The following THSD4 variants were observed in gnomAD, a reference collection of about 807,000 sequenced individuals.
THSD4 encodes thrombospondin type-1 domain-containing protein 4.
In THSD4, 69 loss-of-function variants were observed where a neutral mutation model predicts 119.0. The ratio of observed to expected loss-of-function variants is 0.58; its 90% CI spans 0.48 to 0.71. The LOEUF (loss-of-function observed/expected upper bound fraction) is 0.71. Among genes scored for constraint, THSD4 ranks in the 30% least tolerant of loss-of-function variants. The pLI, the probability that THSD4 is intolerant of heterozygous loss-of-function variation, is 0.00. For missense variants in THSD4, 1,393 were observed against 1,391.1 expected (o/e 1.00, Z -0.02); for synonymous variants, 524 against 540.4 (o/e 0.97, Z 0.42).
chr15:71,489,303 A>G lies in THSD4; in HGVS notation c.1152+77480A>G, dbSNP rs920132224. On this transcript the variant is annotated intron_variant, in intron 7 of 17. Transcript: ENST00000261862. Reference sequence around the variant, plus strand: ...GTGGTGGGTGTAAAATATATCATGCATTACCATTTCTTTGCTCATTTTAAG... The same window carrying G: ...GTGGTGGGTGTAAAATATATCATGCGTTACCATTTCTTTGCTCATTTTAAG... 7.9e-5 allele frequency among the ~76,000 whole-genome samples: 12 copies of G among 152,254 alleles called. No individual in the cohort carries two copies. The South Asian group carries it at 1.2e-3, about 16-fold the overall frequency.
At chr15:71,763,819 C>A (rs2141206579) in intron 15 of THSD4, among the ~76,000 whole-genome samples, 1 of 152,254 alleles carries the variant, frequency 6.6e-6, no homozygotes, top group South Asian at 2.1e-4. Context: ...AATCCCAGCA[C>A]TTTGAGAGGC....
intron 7 of THSD4, among the ~76,000 whole-genome samples, chr15:71,595,780 C>G (rs1468291421): frequency 1.2e-4 from 19 of 152,172 alleles, no homozygotes. Flanking sequence ...GTTCAACGCC[C>G]TCCATTTAAA....
chr15:71,172,407 C>G (rs994275140), intron 3 of THSD4, among the ~76,000 whole-genome samples: 1 of 151,664 alleles, frequency 6.6e-6, no homozygotes, highest in Non-Finnish European at 1.5e-5. Flanking sequence ...TTAAGATAAC[C>G]ATTCTCTTCA....
At chr15:71,142,067 C>A (rs2040610031) in intron 2 of THSD4, among the ~76,000 whole-genome samples, 1 of 151,910 alleles carries the variant, frequency 6.6e-6, no homozygotes, top group Admixed American at 6.6e-5. Flanking sequence ...ACCGTGGTTG[C>A]ATAATACAAT....
At chr15:71,473,580 T>C (rs577487658) in intron 7 of THSD4, among the ~76,000 whole-genome samples, 174 of 152,276 alleles carry the variant, frequency 1.1e-3, no homozygotes, top group Middle Eastern at 6.8e-3. Flanking sequence ...CTCATATCAT[T>C]GTAAGGAATG....
intron 10 of THSD4, among the ~76,000 whole-genome samples, chr15:71,736,293 C>T (rs115759776): frequency 0.013 from 1,996 of 152,022 alleles, 44 homozygotes; most frequent in African/African-American, 0.046. Context: ...CTCTCGCTCT[C>T]TGTCTCTCCT....
chr15:71,306,307 CAAAAAAAAAAAAAAAAA>C lies in THSD4; in HGVS notation c.1015+49607_1015+49623del, dbSNP rs67260180. Reference sequence around the variant, plus strand: ...GGTGATAAGAGCAAGACTCTTGCCTCAAAAAAAAAAAAAAAAAAAAAAAAAAAAAAAGGGAATGGTAT... The same window carrying C: ...GGTGATAAGAGCAAGACTCTTGCCTCAAAAAAAAAAAAAAGGGAATGGTAT... On this transcript the variant is annotated intron_variant, in intron 6 of 17. Transcript: ENST00000261862. 1.5e-3 allele frequency among the ~76,000 whole-genome samples: 93 copies of C among 62,942 alleles called. 3 individuals are homozygous for C. The East Asian group carries it at 0.047, about 32-fold the overall frequency. The allele number at this position is 62,942 out of a possible 152,430, so 41.3% of individuals were successfully genotyped here.
chr15:71,465,895 G>A (rs74022145), intron 7 of THSD4, among the ~76,000 whole-genome samples: 1,662 of 152,312 alleles, frequency 0.011, 38 homozygotes, highest in African/African-American at 0.039. Context: ...AGGTCCTGAA[G>A]TTTCCTGTGG....
At chr15:71,165,561 C>A (rs916331887) in intron 3 of THSD4, 9 of 649,230 alleles carry the variant, frequency 1.4e-5, no homozygotes, top group Non-Finnish European at 2.4e-5. Context: ...ATAGCAAGAG[C>A]CTTTTTCCTG....
chr15:71,459,462 C>G (rs1423892778), intron 7 of THSD4, among the ~76,000 whole-genome samples: 2 of 151,862 alleles, frequency 1.3e-5, no homozygotes, highest in African/African-American at 4.8e-5. Flanking sequence ...AGCAAAAAGG[C>G]CCAGAACTGT....
intron 6 of THSD4, among the ~76,000 whole-genome samples, chr15:71,365,580 A>T (rs1269809703): frequency 6.6e-6 from 1 of 152,160 alleles, no homozygotes; most frequent in Non-Finnish European, 1.5e-5. Flanking sequence ...TTATGAAATG[A>T]AAGGAGGTCT....
intron 7 of THSD4, among the ~76,000 whole-genome samples, chr15:71,604,833 A>AC (rs61580142): frequency 0.069 from 10,491 of 152,012 alleles, 1,110 homozygotes; most frequent in East Asian, 0.52. Flanking sequence ...AAAAACAAAA[A>AC]AAAAACCTGT....
At chr15:71,614,988 C>T (rs61299538) in intron 7 of THSD4, among the ~76,000 whole-genome samples, 26,686 of 152,002 alleles carry the variant, frequency 0.18, 2,846 homozygotes, top group Non-Finnish European at 0.24. Context: ...AGGTGTTGCG[C>T]GGAATAGGAA....
intron 16 of THSD4, among the ~76,000 whole-genome samples, chr15:71,768,265 C>T (rs2053748735): frequency 6.9e-6 from 1 of 144,148 alleles, no homozygotes; most frequent in Non-Finnish European, 1.5e-5. Context: ...GAAGTAGTCT[C>T]ACAAAAAAAA....
chr15:71,755,094 A>G (rs2053515551), intron 14 of THSD4, among the ~76,000 whole-genome samples: 1 of 152,228 alleles, frequency 6.6e-6, no homozygotes, highest in Non-Finnish European at 1.5e-5. Context: ...TGGGAAATTT[A>G]TGCCCTGGTT....
chr15:71,517,922 G>T (rs1244415785), intron 7 of THSD4, among the ~76,000 whole-genome samples: 3 of 152,200 alleles, frequency 2.0e-5, no homozygotes, highest in Non-Finnish European at 4.4e-5. Context: ...TAAGGTTACT[G>T]GAGGTCCCCC....
rs1008828919 is a variant in THSD4, at chr15:71,441,628, C to T, written c.1152+29805C>T. Among the ~76,000 whole-genome samples, 54 of 151,854 alleles carry T rather than the reference C, an allele frequency of 3.6e-4. 1 individual carries two copies. Among genetic ancestry groups the T allele is most frequent in the Admixed American group, 1.8e-3 (27 of 15,256 alleles). Reference sequence around the variant, plus strand: ...CAGGCTGGTCTCGAACTGCTGACCTCGTAATCTGCCCGCCTTGGCCTCACA... The same window carrying T: ...CAGGCTGGTCTCGAACTGCTGACCTTGTAATCTGCCCGCCTTGGCCTCACA... On this transcript the variant is annotated intron_variant, in intron 7 of 17. Transcript: ENST00000261862.
At chr15:71,332,971 A>T (rs1195192088) in intron 6 of THSD4, among the ~76,000 whole-genome samples, 7 of 132,780 alleles carry the variant, frequency 5.3e-5, no homozygotes, top group African/African-American at 1.9e-4. Flanking sequence ...TTCTTATTCC[A>T]GTGTGGCCCA....
intron 17 of THSD4, 120 bp downstream of exon 17, chr15:71,771,328 G>A: frequency 1.6e-6 from 2 of 1,276,120 alleles, no homozygotes; most frequent in South Asian, 1.5e-5. Context: ...CAGTCATGGA[G>A]TTCAGAGGGT....
Sources: allele counts gnomAD v4.1 joint callset (sites outside exome capture counted in the v4.1 genomes callset), GRCh38; gene constraint gnomAD v4.1.1; transcripts MANE v1.5; gene names NCBI Gene and HGNC (gene_info 2026-07-23, HGNC 2026-07-21).